Variants in MDFIC2 observed in about 807,000 individuals in gnomAD.
The protein encoded by MDFIC2 is MyoD family inhibitor domain containing 2.
chr3:70,301,073 G>C (rs9864250), intron 2 of MDFIC2, among the ~76,000 whole-genome samples: 1 of 151,850 alleles, frequency 6.6e-6, no homozygotes, highest in Non-Finnish European at 1.5e-5. Context: ...AAAAGACGAT[G>C]TTAGCTATTT....
chr3:70,292,291 G>A (rs6549330), intron 2 of MDFIC2, among the ~76,000 whole-genome samples: 40,399 of 151,882 alleles, frequency 0.27, 5,907 homozygotes, highest in East Asian at 0.44. Context: ...TTATTTGATT[G>A]TTTATAATAT....
chr3:70,255,630 T>C (rs1701808855), intron 2 of MDFIC2, among the ~76,000 whole-genome samples: 1 of 152,098 alleles, frequency 6.6e-6, no homozygotes, highest in Non-Finnish European at 1.5e-5. Context: ...CCTGGCTATT[T>C]TTTTTTCCTG....
At position 70,237,979 on chromosome 3, in the gene MDFIC2, C is replaced by CTTTTTTTTTTTTTTTTTTT. The variant is rs71672662; in HGVS notation, c.89-31208_89-31190dup. On this transcript the variant is annotated intron_variant, in intron 2 of 3. Transcript: ENST00000567252. Reference sequence around the variant, plus strand: ...GGAAAAGAAACTAATTGAGTGGTATCTTTTTTTTTTTTTTTTTTTTTTTTT... The same window carrying CTTTTTTTTTTTTTTTTTTT: ...GGAAAAGAAACTAATTGAGTGGTATCTTTTTTTTTTTTTTTTTTTTTTTTTTTTTTTTTTTTTTTTTTTT... 3.1e-3 allele frequency among the ~76,000 whole-genome samples: 154 copies of CTTTTTTTTTTTTTTTTTTT among 48,940 alleles called. 52 individuals carry two copies. The highest frequency in any genetic ancestry group is 9.9e-3 in the South Asian group (7 of 710). 32.1% of individuals were successfully genotyped at this position (48,940 alleles called of 152,430 possible). A position where few individuals can be genotyped will look rare whatever the true frequency, so the allele number is the denominator to read the frequency against.
chr3:70,265,736 T>G (rs972120806), intron 2 of MDFIC2, among the ~76,000 whole-genome samples: 1 of 152,202 alleles, frequency 6.6e-6, no homozygotes, highest in Admixed American at 6.5e-5. Context: ...AAAGGTTTAA[T>G]TGACTCACAG....
intron 2 of MDFIC2, among the ~76,000 whole-genome samples, chr3:70,300,683 T>C (rs1022467493): frequency 6.6e-6 from 1 of 152,136 alleles, no homozygotes; most frequent in African/African-American, 2.4e-5. Context: ...GACTGATATT[T>C]GTTAAGTAAA....
At chr3:70,291,741 A>G (rs1300222200) in intron 2 of MDFIC2, 1 of 152,242 alleles carries the variant, frequency 6.6e-6, no homozygotes, top group Non-Finnish European at 1.5e-5. Flanking sequence ...AGAAAATGAC[A>G]GTTCAAGATG....
intron 2 of MDFIC2, among the ~76,000 whole-genome samples, chr3:70,282,207 C>A (rs2106682867): frequency 6.6e-6 from 1 of 152,226 alleles, no homozygotes; most frequent in East Asian, 1.9e-4. Context: ...TCTTTCCTGG[C>A]AGTATTTGCT....
At chr3:70,226,791 G>C (rs1701511497) in intron 2 of MDFIC2, among the ~76,000 whole-genome samples, 1 of 149,568 alleles carries the variant, frequency 6.7e-6, no homozygotes, top group Admixed American at 6.7e-5. Context: ...TTAAAAACAA[G>C]ATATTCTGAA....
intron 2 of MDFIC2, among the ~76,000 whole-genome samples, chr3:70,258,572 T>C (rs149093288): frequency 6.6e-6 from 1 of 152,256 alleles, no homozygotes; most frequent in East Asian, 1.9e-4. Context: ...TTTCTATCCA[T>C]TGTAAACAGG....
Position 70,271,511 on chromosome 3 carries a change from C to G in MDFIC2, c.88+40375G>C, listed in dbSNP as rs953188967. Among the ~76,000 whole-genome samples, 6 of 152,156 alleles carry G rather than the reference C, an allele frequency of 3.9e-5. No homozygotes were observed. In the East Asian group the frequency reaches 1.2e-3, roughly 29 times the overall value. On this transcript the variant is annotated intron_variant, in intron 2 of 3. Coordinates refer to ENST00000567252, the MANE Select transcript of MDFIC2 (RefSeq NM_001364677.1). The stretch of plus-strand genomic sequence containing the variant: ...GAATTTTAAATGTTATTTTGCTTAA[C>G]TATTTAACAAACATCACCCTGGCCT...
intron 2 of MDFIC2, among the ~76,000 whole-genome samples, chr3:70,224,321 T>G (rs1701484800): frequency 6.6e-6 from 1 of 152,216 alleles, no homozygotes; most frequent in African/African-American, 2.4e-5. Context: ...CCAATACATT[T>G]GGAGAGATGA....
At chr3:70,218,115 T>A (rs1701432165) in intron 2 of MDFIC2, among the ~76,000 whole-genome samples, 1 of 152,170 alleles carries the variant, frequency 6.6e-6, no homozygotes, top group Non-Finnish European at 1.5e-5. Context: ...GGATTTAAGA[T>A]CTATTTTCTT....
At position 70,194,910 on chromosome 3, in the gene MDFIC2, G is replaced by T. The variant is rs977906498; in HGVS notation, c.*2016C>A. 1.1e-4 allele frequency among the ~76,000 whole-genome samples: 16 copies of T among 152,262 alleles called. No homozygotes were observed. Among genetic ancestry groups the T allele is most frequent in the African/African-American group, 3.1e-4 (13 of 41,564 alleles). On this transcript the variant is annotated 3_prime_UTR_variant, in exon 4 of 4. Transcript: ENST00000567252. Reference sequence around the variant, plus strand: ...TAGAGGGGTGGGTGCTCAGAGAGGAGCCAAGAGGGATGGGACATAAGGAAG... The same window carrying T: ...TAGAGGGGTGGGTGCTCAGAGAGGATCCAAGAGGGATGGGACATAAGGAAG...
intron 2 of MDFIC2, among the ~76,000 whole-genome samples, chr3:70,256,407 C>T (rs775990659): frequency 2.6e-5 from 4 of 152,174 alleles, no homozygotes; most frequent in African/African-American, 4.8e-5. Flanking sequence ...GCCATGCTGA[C>T]TGTAAACTGC....
intron 2 of MDFIC2, among the ~76,000 whole-genome samples, chr3:70,284,577 A>G (rs1200836270): frequency 6.6e-6 from 1 of 152,188 alleles, no homozygotes; most frequent in Non-Finnish European, 1.5e-5. Context: ...ATAAAAAAGA[A>G]TAAGATCATG....
intron 2 of MDFIC2, chr3:70,249,111 G>A (rs1250755760): frequency 1.3e-5 from 2 of 152,200 alleles, no homozygotes; most frequent in Non-Finnish European, 2.9e-5. Flanking sequence ...TTTAAGGTGT[G>A]CTTCCTGAGG....
At chr3:70,224,292 A>G (rs1268738194) in intron 2 of MDFIC2, among the ~76,000 whole-genome samples, 1 of 152,194 alleles carries the variant, frequency 6.6e-6, no homozygotes, top group Non-Finnish European at 1.5e-5. Context: ...CTCCAAGCAC[A>G]CTGCAATGGT....
At chr3:70,256,291 A>G (rs138517891) in intron 2 of MDFIC2, among the ~76,000 whole-genome samples, 110 of 152,320 alleles carry the variant, frequency 7.2e-4, no homozygotes, top group Middle Eastern at 3.4e-3. Context: ...TCTAAGTCAG[A>G]CAGAGAGAAA....
At chr3:70,294,555 G>A (rs1659261110) in intron 2 of MDFIC2, among the ~76,000 whole-genome samples, 1 of 152,132 alleles carries the variant, frequency 6.6e-6, no homozygotes, top group Non-Finnish European at 1.5e-5. Flanking sequence ...TGGGTGTGAA[G>A]TGCTCTTCAT....
Sources: allele counts gnomAD v4.1 joint callset (sites outside exome capture counted in the v4.1 genomes callset), GRCh38; gene constraint gnomAD v4.1.1; transcripts MANE v1.5; gene names NCBI Gene and HGNC (gene_info 2026-07-23, HGNC 2026-07-21).